PHLDB2: variants seen among roughly 807,000 people sequenced by gnomAD.
PHLDB2 encodes pleckstrin homology-like domain family B member 2.
In PHLDB2, 71 loss-of-function variants were observed where a neutral mutation model predicts 123.6. The ratio of observed to expected loss-of-function variants is 0.57; its 90% confidence interval spans 0.47 to 0.70. The LOEUF is 0.70. Among genes scored for constraint, PHLDB2 ranks in the 30% least tolerant of loss-of-function variants. PHLDB2 has a pLI of 0.00. For synonymous variants in PHLDB2, 547 were observed against 541.6 expected (o/e 1.01, Z -0.14); for missense variants, 1,446 against 1,519.5 (o/e 0.95, Z 0.80).
At chr3:111,974,107 G>A (rs950941687) in intron 17 of PHLDB2, among the ~76,000 whole-genome samples, 16 of 152,146 alleles carry the variant, frequency 1.1e-4, no homozygotes, top group African/African-American at 3.1e-4. Flanking sequence ...GAGGGGGATC[G>A]TGAGCAAGTC....
intron 9 of PHLDB2, among the ~76,000 whole-genome samples, chr3:111,946,762 G>A (rs970686106): frequency 2.6e-5 from 4 of 152,170 alleles, no homozygotes; most frequent in Non-Finnish European, 4.4e-5. Flanking sequence ...AAGCAGGGAG[G>A]TGACATTTGC....
chr3:111,903,491 G>A (rs1047791339), intron 2 of PHLDB2, among the ~76,000 whole-genome samples: 4 of 152,158 alleles, frequency 2.6e-5, no homozygotes, highest in African/African-American at 4.8e-5. Context: ...GGAATTTTGT[G>A]TCCTTCTAGA....
chr3:111,828,919 C>T (rs1034852956), intron 1 of PHLDB2, among the ~76,000 whole-genome samples: 1 of 152,194 alleles, frequency 6.6e-6, no homozygotes, highest in African/African-American at 2.4e-5. Flanking sequence ...AATATGAAGA[C>T]ATCACAGTGG....
At chr3:111,845,551 A>G (rs1006349493) in intron 1 of PHLDB2, among the ~76,000 whole-genome samples, 1 of 152,046 alleles carries the variant, frequency 6.6e-6, no homozygotes, top group East Asian at 1.9e-4. Context: ...AGCATTGTCC[A>G]TTACTTGTTT....
chr3:111,849,175 G>A (rs749110389), intron 2 of PHLDB2, among the ~76,000 whole-genome samples: 7 of 151,904 alleles, frequency 4.6e-5, no homozygotes, highest in Non-Finnish European at 1.0e-4. Context: ...TTTCTTTTTT[G>A]TTTGTTTGTT....
intron 1 of PHLDB2, among the ~76,000 whole-genome samples, chr3:111,789,887 A>AC (rs2060842684): frequency 6.6e-6 from 1 of 152,166 alleles, no homozygotes; most frequent in Non-Finnish European, 1.5e-5. Context: ...AATCTTGGAA[A>AC]CAATGATTCT....
At chr3:111,915,989 C>T (rs2068148287) in intron 3 of PHLDB2, 1 of 152,298 alleles carries the variant, frequency 6.6e-6, no homozygotes, top group East Asian at 1.9e-4. Flanking sequence ...TAAATCTTTT[C>T]ACATATCTTC....
intron 1 of PHLDB2, among the ~76,000 whole-genome samples, chr3:111,740,603 G>C (rs965021455): frequency 2.6e-5 from 4 of 152,056 alleles, no homozygotes; most frequent in Admixed American, 2.0e-4. Context: ...TGGGAAGAAG[G>C]ATAGATAACA....
intron 1 of PHLDB2, among the ~76,000 whole-genome samples, chr3:111,834,401 A>G (rs1042660498): frequency 2.0e-5 from 3 of 146,490 alleles, no homozygotes; most frequent in Non-Finnish European, 4.5e-5. Context: ...GTGTGTATAT[A>G]TATACACACA....
intron 1 of PHLDB2, among the ~76,000 whole-genome samples, chr3:111,866,013 C>CTTT (rs1239058039): frequency 6.3e-5 from 3 of 47,670 alleles, no homozygotes; most frequent in African/African-American, 1.9e-4. Context: ...CCCACCCACT[C>CTTT]ATTTTTTTTT....
At chr3:111,812,743 C>T (rs1033405742) in intron 1 of PHLDB2, among the ~76,000 whole-genome samples, 40 of 152,174 alleles carry the variant, frequency 2.6e-4, no homozygotes, top group African/African-American at 8.0e-4. Flanking sequence ...TGACTTTCTG[C>T]AGAGAAAGTT....
intron 2 of PHLDB2, among the ~76,000 whole-genome samples, chr3:111,908,299 T>G (rs2067675903): frequency 6.6e-6 from 1 of 152,340 alleles, no homozygotes; most frequent in Middle Eastern, 3.4e-3. Context: ...AACTGAGCTT[T>G]CTTTAGTAGG....
At chr3:111,831,021 GAAAGAAAGAAAGGAAGGAAGGAAGA>G (rs1559855329) in intron 1 of PHLDB2, among the ~76,000 whole-genome samples, 10 of 104,616 alleles carry the variant, frequency 9.6e-5, no homozygotes, top group African/African-American at 4.3e-4. Flanking sequence ...AAGAAAGAAA[GAAAGAAAGAAAGGAAGGAAGGAAGA>G]AAGAGAAAAG....
intron 13 of PHLDB2, among the ~76,000 whole-genome samples, chr3:111,965,614 A>T (rs1028674152): frequency 6.6e-6 from 1 of 152,224 alleles, no homozygotes; most frequent in Non-Finnish European, 1.5e-5. Flanking sequence ...TCTATGCTAC[A>T]GGGATACAGG....
At chr3:111,816,277 C>T (rs2062073473) in intron 1 of PHLDB2, among the ~76,000 whole-genome samples, 1 of 152,132 alleles carries the variant, frequency 6.6e-6, no homozygotes, top group Non-Finnish European at 1.5e-5. Flanking sequence ...CTGCAGACCC[C>T]AGAATGGTAG....
chr3:111,848,822 T>C (rs2064125279), intron 2 of PHLDB2, among the ~76,000 whole-genome samples: 1 of 152,216 alleles, frequency 6.6e-6, no homozygotes, highest in Non-Finnish European at 1.5e-5. Context: ...TATTTACCAT[T>C]ATATTACAGT....
intron 2 of PHLDB2, among the ~76,000 whole-genome samples, chr3:111,909,613 A>C (rs1347646810): frequency 6.6e-6 from 1 of 151,946 alleles, no homozygotes; most frequent in Non-Finnish European, 1.5e-5. Flanking sequence ...AAAAAGAAAA[A>C]AATTTTCATC....
rs1162516630 is a variant in PHLDB2 at position 111,939,567 on chromosome 3, G to A, written c.2223G>A (p.Glu741=). ...EHESRLDEEK[E]NLTQQLLREV... is the part of the protein sequence containing the mutation. ...AGAGCCGTCTAGATGAAGAAAAGGAGAACTTGACTCAACAGCTCCTGCGTG... is the reference window on the plus strand; with the variant it reads ...AGAGCCGTCTAGATGAAGAAAAGGAAAACTTGACTCAACAGCTCCTGCGTG... The change falls in exon 7 of 18, where the codon GAG becomes GAA. Residue 741 remains glutamate (E), a synonymous_variant. Transcript: ENST00000431670. The A allele has an allele frequency of 3.7e-6, 6 of 1,613,872 alleles. No individual in the cohort carries two copies. The highest frequency in any genetic ancestry group is 5.1e-6 in the Non-Finnish European group (6 of 1,179,942).
At chr3:111,925,695 G>T (rs987410783) in intron 5 of PHLDB2, among the ~76,000 whole-genome samples, 3 of 152,180 alleles carry the variant, frequency 2.0e-5, no homozygotes, top group African/African-American at 7.2e-5. Context: ...CTTGGGCAAA[G>T]GCCTGACTGT....
Sources: allele counts gnomAD v4.1 joint callset (sites outside exome capture counted in the v4.1 genomes callset), GRCh38; gene constraint gnomAD v4.1.1; transcripts MANE v1.5; gene names NCBI Gene and HGNC (gene_info 2026-07-23, HGNC 2026-07-21).